Variants in LARGE1 observed in about 807,000 individuals in gnomAD.
LARGE1 encodes the protein LARGE xylosyl- and glucuronyltransferase 1.
A neutral mutation model predicts 87.6 loss-of-function variants in LARGE1; 43 were observed. The ratio of observed to expected loss-of-function variants is 0.49; its 90% CI spans 0.38 to 0.63. The LOEUF (loss-of-function observed/expected upper bound fraction) is 0.63. LARGE1 is among the 30% of genes least tolerant of loss of function. The pLI is 0.00. For missense variants in LARGE1, 802 were observed against 1,000.2 expected (o/e 0.80, Z 2.67); for synonymous variants, 434 against 394.6 (o/e 1.10, Z -1.18).
chr22:33,279,032 A>G (rs1929921757), intron 13 of LARGE1, among the ~76,000 whole-genome samples: 1 of 152,066 alleles, frequency 6.6e-6, no homozygotes, highest in African/African-American at 2.4e-5. Context: ...CACCTCTCTT[A>G]TATGTCCCTG....
chr22:33,544,576 T>C (rs1340030739), intron 6 of LARGE1, among the ~76,000 whole-genome samples: 10 of 152,026 alleles, frequency 6.6e-5, no homozygotes, highest in Non-Finnish European at 5.9e-5. Flanking sequence ...TCCCAGCTAC[T>C]TGGGAGGCTG....
intron 11 of LARGE1, among the ~76,000 whole-genome samples, chr22:33,313,865 C>T (rs781371438): frequency 3.2e-4 from 49 of 152,180 alleles, no homozygotes; most frequent in Non-Finnish European, 6.5e-4. Flanking sequence ...AGATTCCTGA[C>T]CCATAGTGGC....
rs558988002 is a variant in LARGE1 at position 33,864,490 on chromosome 22, C to T, written c.-83+55505G>A. ...GTGCAGGTGGCCTTGGAGTGGAGAG[C>T]GCCTAAGTCTTCTTCCTTTACTTGT... On this transcript the variant is annotated intron_variant, in intron 1 of 14. Coordinates refer to ENST00000397394, the MANE Select transcript of LARGE1 (RefSeq NM_133642.5). 3.9e-5 allele frequency among the ~76,000 whole-genome samples: 6 copies of T among 152,226 alleles called. No homozygotes were observed. In the East Asian group the frequency reaches 9.6e-4, roughly 24 times the overall value.
chr22:33,501,003 G>C (rs2070399323), intron 6 of LARGE1, among the ~76,000 whole-genome samples: 1 of 152,180 alleles, frequency 6.6e-6, no homozygotes, highest in African/African-American at 2.4e-5. Context: ...GGGTGGAGGT[G>C]CGGGCGCCCA....
chr22:33,377,795 C>T (rs2065035155), intron 9 of LARGE1, among the ~76,000 whole-genome samples: 1 of 152,046 alleles, frequency 6.6e-6, no homozygotes, highest in South Asian at 2.1e-4. Flanking sequence ...TTTCTTATAC[C>T]TCTTCCAGTT....
intron 2 of LARGE1, among the ~76,000 whole-genome samples, chr22:33,744,718 T>G (rs140360396): frequency 3.3e-4 from 51 of 152,344 alleles, no homozygotes; most frequent in Middle Eastern, 3.4e-3. Flanking sequence ...TCCTACTGAC[T>G]GGTACAGTGC....
intron 3 of LARGE1, among the ~76,000 whole-genome samples, chr22:33,628,318 CT>C (rs35066040): frequency 0.6 from 79,342 of 132,646 alleles, 22,497 homozygotes; most frequent in East Asian, 0.7. Context: ...ACTGTTTTTG[CT>C]TTTTTTTTTT....
chr22:33,845,689 T>C (rs370152327), intron 1 of LARGE1, among the ~76,000 whole-genome samples: 1 of 152,282 alleles, frequency 6.6e-6, no homozygotes, highest in South Asian at 2.1e-4. Context: ...ATTTGTATTA[T>C]GAAAAATGTT....
intron 9 of LARGE1, among the ~76,000 whole-genome samples, chr22:33,381,674 A>C (rs548541050): frequency 7.1e-4 from 108 of 152,238 alleles, no homozygotes; most frequent in African/African-American, 2.5e-3. Flanking sequence ...CCAGCAGCAG[A>C]TGGCAAGAAT....
At chr22:33,241,602 A>C (rs1400336057) in intron 11 of LARGE1, among the ~76,000 whole-genome samples, 1 of 151,902 alleles carries the variant, frequency 6.6e-6, no homozygotes, top group African/African-American at 2.4e-5. Context: ...ATATATGTAC[A>C]TATATATGTA....
chr22:33,133,189 T>G, the LARGE1 span, among the ~76,000 whole-genome samples: 1 of 151,988 alleles, frequency 6.6e-6, no homozygotes, highest in African/African-American at 2.4e-5. Flanking sequence ...CTTATTTTTA[T>G]TTTTTTAATA....
At chr22:33,522,469 C>T (rs1276401872) in intron 6 of LARGE1, among the ~76,000 whole-genome samples, 1 of 151,814 alleles carries the variant, frequency 6.6e-6, no homozygotes, top group African/African-American at 2.4e-5. Context: ...GAGGTGGAGG[C>T]GGGTGGATTG....
At chr22:33,218,022 C>A (rs1925287372) in intron 11 of LARGE1, among the ~76,000 whole-genome samples, 1 of 151,970 alleles carries the variant, frequency 6.6e-6, no homozygotes, top group South Asian at 2.1e-4. Context: ...CTCTGCCTCC[C>A]AGGTTCAAGT....
chr22:33,112,933 G>A, the LARGE1 span, among the ~76,000 whole-genome samples: 2 of 152,196 alleles, frequency 1.3e-5, no homozygotes, highest in African/African-American at 2.4e-5. Flanking sequence ...GAGGGCAGGT[G>A]TTAAAATTGG....
At chr22:33,139,933 G>A in the LARGE1 span, among the ~76,000 whole-genome samples, 1 of 152,204 alleles carries the variant, frequency 6.6e-6, no homozygotes, top group Non-Finnish European at 1.5e-5. Flanking sequence ...GAGGTGGTCT[G>A]ATTCTTTTGG....
chr22:33,332,692 G>A (rs1324052427), intron 10 of LARGE1, among the ~76,000 whole-genome samples: 1 of 152,126 alleles, frequency 6.6e-6, no homozygotes, highest in Non-Finnish European at 1.5e-5. Context: ...CTTTCCCTCT[G>A]GTTGTGTCTG....
At chr22:33,215,712 T>C (rs886636175) in intron 11 of LARGE1, among the ~76,000 whole-genome samples, 5 of 152,214 alleles carry the variant, frequency 3.3e-5, no homozygotes, top group Non-Finnish European at 5.9e-5. Context: ...ATCCTAGCAC[T>C]TTGGGAGGCC....
intron 9 of LARGE1, among the ~76,000 whole-genome samples, chr22:33,341,122 C>A (rs1379699986): frequency 1.3e-5 from 2 of 152,056 alleles, no homozygotes; most frequent in Admixed American, 1.3e-4. Context: ...GAGGTGGGAT[C>A]TTCGAGAAGT....
chr22:33,820,192 G>C (rs956380211), intron 1 of LARGE1, among the ~76,000 whole-genome samples: 1 of 152,142 alleles, frequency 6.6e-6, no homozygotes, highest in East Asian at 1.9e-4. Context: ...TAGTTATGCT[G>C]ATTAAATAAT....
Sources: gnomAD v4.1 joint callset for allele counts (sites outside exome capture counted in the v4.1 genomes callset) on GRCh38, gnomAD v4.1.1 for gene constraint, MANE v1.5 for transcripts, NCBI Gene and HGNC (gene_info 2026-07-23, HGNC 2026-07-21) for gene names.